The following MFAP4 variants were observed in gnomAD, a reference collection of about 807,000 sequenced individuals.
MFAP4 encodes the protein microfibril-associated glycoprotein 4.
MFAP4 carries 20 observed loss-of-function variants against 32.4 expected under a neutral mutation model. The ratio of observed to expected loss-of-function variants is 0.62; its 90% confidence interval spans 0.43 to 0.90. The LOEUF (loss-of-function observed/expected upper bound fraction) is 0.90, where lower values mean the gene tolerates loss of function less well. Ranked by LOEUF, MFAP4 falls within the 40% of genes least tolerant of loss-of-function variation. MFAP4 has a pLI of 0.00. For missense variants in MFAP4, 267 were observed against 329.5 expected (o/e 0.81, Z 1.47); for synonymous variants, 146 against 137.4 (o/e 1.06, Z -0.44).
Position 19,384,302 on chromosome 17 carries a change from G to T in MFAP4, c.*160C>A. 1.2e-6 allele frequency: 1 copy of T among 851,332 alleles called. No individual in the cohort carries two copies. Among genetic ancestry groups the T allele is most frequent in the Non-Finnish European group, 1.8e-6 (1 of 563,492 alleles). The allele number at this position is 851,332 out of a possible 1,614,324, so 52.7% of individuals were successfully genotyped here. A position where few individuals can be genotyped will look rare whatever the true frequency, so the allele number is the denominator to read the frequency against. On this transcript the variant is annotated 3_prime_UTR_variant, in exon 6 of 6. Coordinates refer to ENST00000299610, the MANE Select transcript of MFAP4 (RefSeq NM_002404.3). ...TCTGGCTTAGGAATGGATGCCCTGG[G>T]TGTGTGACAGGGATGTGGCATGGCT... is the stretch of plus-strand genomic sequence containing the variant.
In MFAP4 at chr17:19,384,111, CA is replaced by C; in HGVS notation, c.*350del. 3.0e-6 allele frequency: 1 copy of C among 338,574 alleles called. No individual in the cohort carries two copies. 21.0% of individuals were successfully genotyped at this position (338,574 alleles called of 1,614,324 possible). On this transcript the variant is annotated 3_prime_UTR_variant, in exon 6 of 6. Coordinates refer to ENST00000299610, the MANE Select transcript of MFAP4 (RefSeq NM_002404.3). ...TGAGGAAGCAGGACAAGATGGACCA[CA>C]AAGGCCTGCAGCTGGGAGAGTGGCT... is the stretch of plus-strand genomic sequence containing the variant.
Position 19,384,232 on chromosome 17 carries a change from C to A in MFAP4, c.*230G>T. The A allele has an allele frequency of 1.8e-6, 1 of 553,648 alleles. No homozygotes were observed. The highest frequency in any genetic ancestry group is 2.0e-5 in the South Asian group (1 of 48,826). The allele number at this position is 553,648 out of a possible 1,614,324, so 34.3% of individuals were successfully genotyped here. On this transcript the variant is annotated 3_prime_UTR_variant, in exon 6 of 6. Coordinates refer to ENST00000299610, the MANE Select transcript of MFAP4 (RefSeq NM_002404.3). ...GAACCATGTGCCTCTCGGAAGAGGC[C>A]TGGGGAACTGCTGGCAGTGTAACTT...
intron 5 of MFAP4, 152 bp from the exon 6 acceptor site, chr17:19,384,861 G>A: frequency 8.5e-7 from 1 of 1,172,252 alleles, no homozygotes; most frequent in Non-Finnish European, 1.2e-6. Context: ...GGGTTGATGT[G>A]CTTCTGCAAT....
chr17:19,386,977 G>A (rs1555614408), intron 1 of MFAP4, 139 bp from the exon 2 acceptor site: 5 of 689,452 alleles, frequency 7.3e-6, no homozygotes, highest in Non-Finnish European at 9.4e-6. Flanking sequence ...CCTCTTCCCT[G>A]CCCCCCCACC....
At position 19,386,325 on chromosome 17, in the gene MFAP4, C is replaced by T. The variant is rs768885683; in HGVS notation, c.225G>A (p.Glu75=). The change falls in exon 3 of 6, where the codon GAG becomes GAA. Residue 75 remains glutamate (E), a synonymous_variant. Transcript: ENST00000299610. ...PVPVFCDMTT[E]GGKWTVFQKR... ...TCCCACTCACCGTCCACTTCCCGCC[C>T]TCGGTGGTCATGTCACAGAAGACGG... 1.2e-6 allele frequency: 2 copies of T among 1,607,624 alleles called. No homozygotes were observed. The highest frequency in any genetic ancestry group is 4.5e-5 in the East Asian group (2 of 44,716).
At chr17:19,385,562 T>A in intron 3 of MFAP4, 108 bp from the exon 4 acceptor site, 132 of 671,390 alleles carry the variant, frequency 2.0e-4, no homozygotes, top group Middle Eastern at 6.8e-4. Context: ...GCCAGTTTGT[T>A]AAAGGACTGG....
At position 19,384,662 on chromosome 17, in the gene MFAP4, G is replaced by A; in HGVS notation, c.568C>T (p.Arg190Trp). 2 of 1,614,158 alleles carry A rather than the reference G, an allele frequency of 1.2e-6. No individual in the cohort carries two copies. Among genetic ancestry groups the A allele is most frequent in the Non-Finnish European group, 1.7e-6 (2 of 1,180,012 alleles). The change falls in exon 6 of 6, where the codon CGG becomes TGG. Residue 190 changes from arginine (R) to tryptophan (W), a missense_variant. Arg to Trp is a moderately radical substitution (Grantham distance 101, BLOSUM62 -3). Transcript: ENST00000299610. ...TTCTGCACAAAGAGGTCCTGGTCCC[G>A]GTCGAAGGTAGAGAACTTCTGGCCA... ...HSGQKFSTFDRDQDLFVQNCA... is the reference protein window; with the variant it reads ...HSGQKFSTFDWDQDLFVQNCA...
intron 2 of MFAP4, 49 bp from the exon 3 acceptor site, chr17:19,386,513 A>G: frequency 6.3e-7 from 1 of 1,576,536 alleles, no homozygotes; most frequent in East Asian, 2.2e-5. Flanking sequence ...CTATGGCATC[A>G]CTGACACCTC....
At chr17:19,386,580 A>T (rs940003686) in intron 2 of MFAP4, 116 bp from the exon 3 acceptor site, 4 of 1,322,164 alleles carry the variant, frequency 3.0e-6, no homozygotes, top group Non-Finnish European at 4.2e-6. Context: ...ACAAGGAGTC[A>T]TGGAAGATTT....
In MFAP4 at chr17:19,387,014, G is replaced by A. The variant is rs757376007; in HGVS notation, c.6+136C>T. On this transcript the variant is annotated intron_variant, in intron 1 of 5. Transcript: ENST00000299610. ...CGCCCGCCAAGTAACCCCACTCTCT[G>A]GGACGCTGTGTACCCTCATAGCTTA... is the stretch of plus-strand genomic sequence containing the variant. 7.9e-6 allele frequency: 7 copies of A among 888,672 alleles called. No homozygotes were observed. In the African/African-American group the frequency reaches 9.0e-5, roughly 11 times the overall value. The allele number at this position is 888,672 out of a possible 1,614,324, so 55.0% of individuals were successfully genotyped here. A position where few individuals can be genotyped will look rare whatever the true frequency, so the allele number is the denominator to read the frequency against.
intron 2 of MFAP4, 66 bp from the exon 3 acceptor site, chr17:19,386,530 C>A: frequency 6.5e-7 from 1 of 1,543,672 alleles, no homozygotes; most frequent in South Asian, 1.2e-5. Flanking sequence ...CCTCAGCACC[C>A]CAAGGTTTGC....
At chr17:19,386,977 G>GGGCCCCC in intron 1 of MFAP4, 139 bp from the exon 2 acceptor site, 2 of 689,448 alleles carry the variant, frequency 2.9e-6, no homozygotes, top group Non-Finnish European at 4.7e-6. Flanking sequence ...CCTCTTCCCT[G>GGGCCCCC]CCCCCCCACC....
chr17:19,386,977 G>GA, intron 1 of MFAP4, 139 bp from the exon 2 acceptor site: 47 of 689,404 alleles, frequency 6.8e-5, no homozygotes, highest in South Asian at 3.6e-4. Flanking sequence ...CCTCTTCCCT[G>GA]CCCCCCCACC....
chr17:19,386,495 G>A (rs1913041619), intron 2 of MFAP4, 31 bp from the exon 3 acceptor site: 1 of 1,595,562 alleles, frequency 6.3e-7, no homozygotes, highest in South Asian at 1.1e-5. Context: ...ACAGTGAGGA[G>A]AGTGGGACTA....
At chr17:19,385,580 G>C in intron 3 of MFAP4, 126 bp from the exon 4 acceptor site, 1 of 765,210 alleles carries the variant, frequency 1.3e-6, no homozygotes. Context: ...TGGGTTGGGG[G>C]TGGGGAGGGT....
At chr17:19,385,578 G>A in intron 3 of MFAP4, 124 bp from the exon 4 acceptor site, 4 of 788,660 alleles carry the variant, frequency 5.1e-6, no homozygotes, top group Non-Finnish European at 6.3e-6. Flanking sequence ...ACTGGGTTGG[G>A]GGTGGGGAGG....
rs1912908477 is a variant in MFAP4, at chr17:19,383,619, T to G, written c.*843A>C. ...GCAAGGAGGAGCCAGGTGCCTACAT[T>G]TGGGGGATAAACAAATATGTTTGTG... is the stretch of plus-strand genomic sequence containing the variant. On this transcript the variant is annotated 3_prime_UTR_variant, in exon 6 of 6. Coordinates refer to ENST00000299610, the MANE Select transcript of MFAP4 (RefSeq NM_002404.3). 1 of 160,116 alleles carries G rather than the reference T, an allele frequency of 6.2e-6. No individual in the cohort carries two copies. The highest frequency in any genetic ancestry group is 1.4e-5 in the Non-Finnish European group (1 of 73,574). 9.9% of individuals were successfully genotyped at this position (160,116 alleles called of 1,614,324 possible). A position where few individuals can be genotyped will look rare whatever the true frequency, so the allele number is the denominator to read the frequency against.
In MFAP4 at chr17:19,384,534, G is replaced by A; in HGVS notation, c.696C>T (p.Gly232=). The change falls in exon 6 of 6, where the codon GGC becomes GGT. Residue 232 remains glycine (G), a synonymous_variant. Coordinates refer to ENST00000299610, the MANE Select transcript of MFAP4 (RefSeq NM_002404.3). ...AGCCCTTCCACTGGGCCCAGTTGAT[G>A]CCATTGGCATAAGAGAGGTGGGAGC... ...LGGSHLSYAN[G]INWAQWKGFY... 6.2e-7 allele frequency: 1 copy of A among 1,613,722 alleles called. No homozygotes were observed. The highest frequency in any genetic ancestry group is 8.5e-7 in the Non-Finnish European group (1 of 1,179,774).
chr17:19,386,570 A>C (rs912660720), intron 2 of MFAP4, 106 bp from the exon 3 acceptor site: 4 of 1,351,122 alleles, frequency 3.0e-6, no homozygotes, highest in Admixed American at 3.9e-5. Context: ...GGACTTTGAC[A>C]CAAGGAGTCA....
Sources: gnomAD v4.1 joint callset for allele counts on GRCh38, gnomAD v4.1.1 for gene constraint, MANE v1.5 for transcripts, NCBI Gene and HGNC (gene_info 2026-07-23, HGNC 2026-07-21) for gene names.